Variants in FAM184A observed in about 807,000 individuals in gnomAD.
FAM184A encodes protein FAM184A.
In FAM184A, 99 loss-of-function variants were observed where a neutral mutation model predicts 143.8. That is an observed-to-expected ratio of 0.69 (90% confidence interval 0.58 to 0.81). FAM184A has a LOEUF of 0.81. FAM184A is among the 40% of genes least tolerant of loss of function. The probability of loss-of-function intolerance (pLI) is 0.00; values close to 1 mark genes in which losing one functional copy is unlikely to be tolerated. For missense variants in FAM184A, 1,217 were observed against 1,310.5 expected (o/e 0.93, Z 1.10); for synonymous variants, 427 against 446.4 (o/e 0.96, Z 0.55).
chr6:119,047,421 T>A (rs1211516939), intron 1 of FAM184A, among the ~76,000 whole-genome samples: 2 of 152,208 alleles, frequency 1.3e-5, no homozygotes, highest in Admixed American at 6.5e-5. Context: ...CAAAGAGATA[T>A]CTATACCCTT....
chr6:119,062,146 A>G (rs928105844), intron 1 of FAM184A, among the ~76,000 whole-genome samples: 3 of 152,214 alleles, frequency 2.0e-5, no homozygotes, highest in Non-Finnish European at 1.5e-5. Context: ...CTTACTTACA[A>G]ATGTATAACT....
At position 119,146,915 on chromosome 6, in the gene FAM184A, C is replaced by CCG. The variant is rs906863513; in HGVS notation, c.-202+2162_-202+2163insCG. ...GTTTCCTCCCAGAGATGTGCACCCCCAGGCTTGCATTTATAGCTCTTGCCC... is the reference window on the plus strand; with the variant it reads ...GTTTCCTCCCAGAGATGTGCACCCCCCGAGGCTTGCATTTATAGCTCTTGCCC... On this transcript the variant is annotated intron_variant, in intron 1 of 16. Coordinates refer to the FAM184A transcript ENST00000352896. Among the ~76,000 whole-genome samples, 26 of 151,836 alleles carry CCG rather than the reference C, an allele frequency of 1.7e-4. 1 individual carries two copies. The highest frequency in any genetic ancestry group is 3.3e-4 in the Admixed American group (5 of 15,248).
At position 118,984,158 on chromosome 6, in the gene FAM184A, AATAT is replaced by A. The variant is rs34576101; in HGVS notation, c.2089-3812_2089-3809del. Among the ~76,000 whole-genome samples, 748 of 126,948 alleles carry A rather than the reference AATAT, an allele frequency of 5.9e-3. 8 individuals are homozygous for A. Among genetic ancestry groups the A allele is most frequent in the African/African-American group, 0.022 (704 of 32,150 alleles). The allele number at this position is 126,948 out of a possible 152,430, so 83.3% of individuals were successfully genotyped here. A position where few individuals can be genotyped will look rare whatever the true frequency, so the allele number is the denominator to read the frequency against. ...ATAACGAAACTCCATTTAAAAAAAAAATATATATATATATATATATTTATATATA... is the reference window on the plus strand; with the variant it reads ...ATAACGAAACTCCATTTAAAAAAAAAATATATATATATATATTTATATATA... On this transcript the variant is annotated intron_variant, in intron 9 of 17. Coordinates refer to ENST00000338891, the MANE Select transcript of FAM184A (RefSeq NM_024581.6).
chr6:119,099,315 G>A (rs1788585050), intron 1 of FAM184A, among the ~76,000 whole-genome samples: 2 of 152,038 alleles, frequency 1.3e-5, no homozygotes, highest in Admixed American at 6.6e-5. Flanking sequence ...TCTCATGACT[G>A]TAACTTTCTT....
At position 118,974,485 on chromosome 6, in the gene FAM184A, G is replaced by T. The variant is rs1783788792; in HGVS notation, c.2858C>A (p.Ala953Glu). 4 of 1,612,310 alleles carry T rather than the reference G, an allele frequency of 2.5e-6. No homozygotes were observed. The highest frequency in any genetic ancestry group is 8.5e-7 in the Non-Finnish European group (1 of 1,179,122). ...TAGCTCGTTAGTCTTATTAAAATCTGCCCGCATGATATTTTTCTCTCTGAG... is the reference window on the plus strand; with the variant it reads ...TAGCTCGTTAGTCTTATTAAAATCTTCCCGCATGATATTTTTCTCTCTGAG... ...DHLREKNIMR[A>E]DFNKTNELLK... is the part of the protein sequence containing the mutation. Residue 953 changes from alanine to glutamate, a missense_variant, in exon 14 of 18, where the codon GCA becomes GAA. By Grantham distance (107) the Ala-to-Glu change is moderately radical. Coordinates refer to ENST00000338891, the MANE Select transcript of FAM184A (RefSeq NM_024581.6).
intron 1 of FAM184A, among the ~76,000 whole-genome samples, chr6:119,061,009 A>AAGTTCTGG (rs1787214385): frequency 6.6e-6 from 1 of 152,174 alleles, no homozygotes; most frequent in African/African-American, 2.4e-5. Flanking sequence ...ATGTGGCTGG[A>AAGTTCTGG]AGTTCTGGAG....
At chr6:119,040,667 G>A (rs947047954) in intron 1 of FAM184A, among the ~76,000 whole-genome samples, 3 of 152,120 alleles carry the variant, frequency 2.0e-5, no homozygotes, top group East Asian at 1.9e-4. Flanking sequence ...GGACAAATAC[G>A]AATTGGAACT....
intron 1 of FAM184A, among the ~76,000 whole-genome samples, chr6:119,122,583 C>T (rs1176248996): frequency 2.0e-5 from 3 of 152,096 alleles, no homozygotes; most frequent in Admixed American, 1.3e-4. Flanking sequence ...AAAGGAGAAA[C>T]GTGCACATGC....
At chr6:118,984,146 A>AT (rs1482089732) in intron 9 of FAM184A, among the ~76,000 whole-genome samples, 2 of 78,718 alleles carry the variant, frequency 2.5e-5, no homozygotes, top group Admixed American at 1.6e-4. Flanking sequence ...ACGAAACTCC[A>AT]TTTAAAAAAA....
At chr6:119,098,052 G>T (rs1183202662) in intron 1 of FAM184A, among the ~76,000 whole-genome samples, 2 of 152,136 alleles carry the variant, frequency 1.3e-5, no homozygotes, top group Non-Finnish European at 2.9e-5. Flanking sequence ...GTCTCATCTT[G>T]AATTGTAGCT....
intron 6 of FAM184A, among the ~76,000 whole-genome samples, chr6:119,007,022 G>A (rs1002597998): frequency 6.6e-6 from 1 of 152,072 alleles, no homozygotes; most frequent in African/African-American, 2.4e-5. Context: ...CCTGCTATTT[G>A]CAAAGGGGAT....
chr6:119,139,618 T>A (rs1772141796), intron 1 of FAM184A, among the ~76,000 whole-genome samples: 1 of 149,124 alleles, frequency 6.7e-6, no homozygotes, highest in Non-Finnish European at 1.5e-5. Flanking sequence ...TAAAGTATTA[T>A]ACGTTCTCAT....
chr6:119,109,521 A>G (rs770090667), intron 1 of FAM184A, among the ~76,000 whole-genome samples: 18 of 152,112 alleles, frequency 1.2e-4, no homozygotes, highest in Non-Finnish European at 1.2e-4. Context: ...GTAAATGTTC[A>G]TGTCACTGGA....
At position 119,015,668 on chromosome 6, in the gene FAM184A, C is replaced by T. The variant is rs185048248; in HGVS notation, c.1530+1079G>A. ...CCGACGAATGCTGCCCCCTGCTCCA[C>T]GGCGCCCAGTCCCATCGACCGCCCA... On this transcript the variant is annotated intron_variant, in intron 5 of 17. Coordinates refer to ENST00000338891, the MANE Select transcript of FAM184A (RefSeq NM_024581.6). Among the ~76,000 whole-genome samples the T allele has an allele frequency of 2.6e-4, 40 of 152,362 alleles. 1 individual carries two copies. The South Asian group carries it at 5.2e-3, about 20-fold the overall frequency.
At chr6:119,108,761 G>A (rs150017941) in intron 1 of FAM184A, among the ~76,000 whole-genome samples, 1 of 152,170 alleles carries the variant, frequency 6.6e-6, no homozygotes, top group Non-Finnish European at 1.5e-5. Flanking sequence ...CTCAGTACAA[G>A]CTTGGGTACC....
chr6:119,087,299 G>T (rs939613340), intron 1 of FAM184A, among the ~76,000 whole-genome samples: 12 of 152,250 alleles, frequency 7.9e-5, no homozygotes, highest in African/African-American at 2.9e-4. Context: ...AGAGTGAAAA[G>T]GTAGCCCATG....
chr6:119,028,173 C>T (rs1201584243), intron 1 of FAM184A, among the ~76,000 whole-genome samples: 3 of 152,210 alleles, frequency 2.0e-5, no homozygotes, highest in East Asian at 3.8e-4. Flanking sequence ...ATTTAGCTGG[C>T]TGGTCCCCCC....
At position 119,078,058 on chromosome 6, in the gene FAM184A, G is replaced by A; in HGVS notation, c.159+83C>T. On this transcript the variant is annotated intron_variant, in intron 1 of 17. Coordinates refer to ENST00000338891, the MANE Select transcript of FAM184A (RefSeq NM_024581.6). This position sits in a 1 kb window ranked among gnomAD's most constrained non-coding sequence, Gnocchi z 5.5. The stretch of plus-strand genomic sequence containing the variant: ...TAGAGTTCCCCTCGCTGCGGGCGCA[G>A]GGCGCACTGCCTCCCGGGGAGACAG... The A allele has an allele frequency of 6.8e-7, 1 of 1,470,152 alleles. No homozygotes were observed. Among genetic ancestry groups the A allele is most frequent in the Middle Eastern group, 2.3e-4 (1 of 4,274 alleles). 91.1% of individuals were successfully genotyped at this position (1,470,152 alleles called of 1,614,324 possible). A position where few individuals can be genotyped will look rare whatever the true frequency, so the allele number is the denominator to read the frequency against.
rs1785497385 is a variant in FAM184A at position 119,022,858 on chromosome 6, C to T, written c.1150+87G>A. Reference sequence around the variant, plus strand: ...AGCCACTGCACTCCCGTCTGGGCGACAGAGCAAGACTCTGTCTCCAAAAAA... The same window carrying T: ...AGCCACTGCACTCCCGTCTGGGCGATAGAGCAAGACTCTGTCTCCAAAAAA... On this transcript the variant is annotated intron_variant, in intron 3 of 17. Coordinates refer to ENST00000338891, the MANE Select transcript of FAM184A (RefSeq NM_024581.6). 6 of 1,533,360 alleles carry T rather than the reference C, an allele frequency of 3.9e-6. No individual in the cohort carries two copies. The South Asian group carries it at 7.1e-5, about 18-fold the overall frequency. 95.0% of individuals were successfully genotyped at this position (1,533,360 alleles called of 1,614,324 possible). A position where few individuals can be genotyped will look rare whatever the true frequency, so the allele number is the denominator to read the frequency against.
Sources: gnomAD v4.1 joint callset for allele counts (sites outside exome capture counted in the v4.1 genomes callset) on GRCh38, gnomAD v4.1.1 for gene constraint, Gnocchi (gnomAD v3.1) non-coding constraint, MANE v1.5 for transcripts, NCBI Gene and HGNC (gene_info 2026-07-23, HGNC 2026-07-21) for gene names.